The following CDH18 variants were observed in gnomAD, a reference collection of about 807,000 sequenced individuals.
CDH18 encodes cadherin 18, also known as cadherin-18.
Under a neutral mutation model 67.9 loss-of-function variants are expected in CDH18, and 31 were observed. The observed-to-expected ratio is 0.46, with a 90% CI of 0.34 to 0.62. The LOEUF is 0.62. Among genes scored for constraint, CDH18 ranks in the 20% least tolerant of loss-of-function variants. CDH18 has a pLI of 0.01. For synonymous variants in CDH18, 362 were observed against 347.2 expected (o/e 1.04, Z -0.48); for missense variants, 890 against 975.5 (o/e 0.91, Z 1.17).
chr5:20,409,113 G>A (rs1219170199), intron 1 of CDH18, among the ~76,000 whole-genome samples: 1 of 151,684 alleles, frequency 6.6e-6, no homozygotes, highest in East Asian at 1.9e-4. Context: ...AATAATTGTA[G>A]GTAACTACAA....
chr5:20,277,851 G>C (rs1214588704), intron 1 of CDH18, among the ~76,000 whole-genome samples: 1 of 152,106 alleles, frequency 6.6e-6, no homozygotes, highest in Non-Finnish European at 1.5e-5. Flanking sequence ...AGAAATTCTG[G>C]AGTTGAAAAT....
intron 4 of CDH18, among the ~76,000 whole-genome samples, chr5:19,742,188 A>G (rs1644913824): frequency 6.6e-6 from 1 of 152,100 alleles, no homozygotes. Context: ...TGCTTTTCTC[A>G]CTGGCAATAT....
chr5:19,863,908 G>A (rs1449735800), intron 2 of CDH18, among the ~76,000 whole-genome samples: 2 of 152,058 alleles, frequency 1.3e-5, no homozygotes, highest in Non-Finnish European at 1.5e-5. Context: ...GGAGAAATAG[G>A]AACACTTTTA....
At chr5:19,716,318 C>G (rs1180863312) in intron 5 of CDH18, among the ~76,000 whole-genome samples, 5 of 152,028 alleles carry the variant, frequency 3.3e-5, no homozygotes, top group Admixed American at 2.6e-4. Context: ...AATTTGAACA[C>G]AAAGCATCCT....
chr5:20,024,775 C>T (rs1738744758), intron 2 of CDH18, among the ~76,000 whole-genome samples: 1 of 152,026 alleles, frequency 6.6e-6, no homozygotes, highest in Non-Finnish European at 1.5e-5. Flanking sequence ...CTAAGTTTTT[C>T]CTGAGAGTTT....
chr5:20,252,291 C>T (rs1226162188), intron 2 of CDH18, among the ~76,000 whole-genome samples: 1 of 151,736 alleles, frequency 6.6e-6, no homozygotes, highest in Non-Finnish European at 1.5e-5. Flanking sequence ...ATGGAGGTTG[C>T]AGTGAGCCTA....
In CDH18 at chr5:19,715,815, C is replaced by CT. The variant is rs35593653; in HGVS notation, c.643+5531dup. Among the ~76,000 whole-genome samples the CT allele has an allele frequency of 8.0e-3, 960 of 119,356 alleles. 7 individuals carry two copies. The highest frequency in any genetic ancestry group is 0.02 in the African/African-American group (683 of 33,816). The allele number at this position is 119,356 out of a possible 152,430, so 78.3% of individuals were successfully genotyped here. A position where few individuals can be genotyped will look rare whatever the true frequency, so the allele number is the denominator to read the frequency against. On this transcript the variant is annotated intron_variant, in intron 5 of 12. Transcript: ENST00000382275. ...TAATTTTGGAAATTCTTGTCGATCT[C>CT]TTTTTTTTTTTTTTTTTGAGATGGA...
intron 1 of CDH18, among the ~76,000 whole-genome samples, chr5:20,353,792 C>A (rs1272730464): frequency 6.6e-6 from 1 of 152,208 alleles, no homozygotes; most frequent in African/African-American, 2.4e-5. Flanking sequence ...TGGCACTCTG[C>A]ACCAGCTGAG....
In CDH18 at chr5:20,403,048, T is replaced by G. The variant is rs1004488694; in HGVS notation, c.-579-147543A>C. Reference sequence around the variant, plus strand: ...AAAAAAAAAAAATAGCGAGGTGTGGTGGCACACACTTGTAATCCCAGCTAC... The same window carrying G: ...AAAAAAAAAAAATAGCGAGGTGTGGGGGCACACACTTGTAATCCCAGCTAC... On this transcript the variant is annotated intron_variant, in intron 1 of 14. Coordinates refer to the CDH18 transcript ENST00000507958. 5.6e-3 allele frequency among the ~76,000 whole-genome samples: 837 copies of G among 148,166 alleles called. 10 individuals carry two copies. The highest frequency in any genetic ancestry group is 0.02 in the African/African-American group (793 of 40,232).
At chr5:20,046,945 G>A (rs547600532) in intron 2 of CDH18, among the ~76,000 whole-genome samples, 46 of 151,974 alleles carry the variant, frequency 3.0e-4, no homozygotes, top group African/African-American at 9.9e-4. Context: ...CATGGCACAT[G>A]TATACATATG....
At chr5:19,888,841 T>C (rs1422387471) in intron 2 of CDH18, among the ~76,000 whole-genome samples, 1 of 152,148 alleles carries the variant, frequency 6.6e-6, no homozygotes, top group Non-Finnish European at 1.5e-5. Flanking sequence ...TCCAGAAGAA[T>C]GTTTTAATTA....
intron 7 of CDH18, among the ~76,000 whole-genome samples, chr5:19,575,003 C>T (rs973741792): frequency 2.0e-5 from 3 of 152,146 alleles, no homozygotes; most frequent in Non-Finnish European, 4.4e-5. Flanking sequence ...CATGCCACCG[C>T]ACTCCAGCCT....
intron 2 of CDH18, among the ~76,000 whole-genome samples, chr5:20,216,295 A>G (rs981821850): frequency 6.6e-6 from 1 of 151,994 alleles, no homozygotes. Context: ...GACTTGCCCA[A>G]TGCAAGTCTT....
chr5:20,311,993 A>T (rs1737039342), intron 1 of CDH18, among the ~76,000 whole-genome samples: 1 of 151,954 alleles, frequency 6.6e-6, no homozygotes, highest in South Asian at 2.1e-4. Flanking sequence ...ATCCACCCAC[A>T]CTCCCTTGCA....
At chr5:19,580,916 A>G (rs371303722) in intron 7 of CDH18, among the ~76,000 whole-genome samples, 128 of 152,094 alleles carry the variant, frequency 8.4e-4, no homozygotes, top group Non-Finnish European at 6.0e-4. Flanking sequence ...TAATAAATTC[A>G]CCATTAAAAG....
chr5:20,409,785 TAGAAAC>T (rs1466070732), intron 1 of CDH18, among the ~76,000 whole-genome samples: 1 of 150,698 alleles, frequency 6.6e-6, no homozygotes, highest in Non-Finnish European at 1.5e-5. Flanking sequence ...AAAAGAGAAA[TAGAAAC>T]AGAAATTAAA....
chr5:19,943,205 G>A (rs1794989717), intron 2 of CDH18, among the ~76,000 whole-genome samples: 1 of 151,948 alleles, frequency 6.6e-6, no homozygotes, highest in African/African-American at 2.4e-5. Context: ...TGTTTGGGGG[G>A]GTAAGAAAAG....
At chr5:19,507,726 A>G (rs1744434860) in intron 10 of CDH18, among the ~76,000 whole-genome samples, 1 of 152,108 alleles carries the variant, frequency 6.6e-6, no homozygotes, top group African/African-American at 2.4e-5. Flanking sequence ...GGACACAGGA[A>G]GGGGAACTTC....
chr5:19,568,604 T>C (rs146949544), intron 8 of CDH18, among the ~76,000 whole-genome samples: 24 of 152,258 alleles, frequency 1.6e-4, no homozygotes, highest in African/African-American at 5.3e-4. Flanking sequence ...ATTCATTGTG[T>C]GATGTGTGCT....
Sources: gnomAD v4.1 joint callset for allele counts (sites outside exome capture counted in the v4.1 genomes callset) on GRCh38, gnomAD v4.1.1 for gene constraint, MANE v1.5 for transcripts, NCBI Gene and HGNC (gene_info 2026-07-23, HGNC 2026-07-21) for gene names.